ATP9A: variants seen among roughly 807,000 people sequenced by gnomAD.
ATP9A encodes ATPase phospholipid transporting 9A, also known as probable phospholipid-transporting ATPase IIA.
Under a neutral mutation model 144.1 loss-of-function variants are expected in ATP9A, and 52 were observed. The ratio of observed to expected loss-of-function variants is 0.36; its 90% CI spans 0.29 to 0.45. The LOEUF is 0.45. Among genes scored for constraint, ATP9A ranks in the 20% least tolerant of loss-of-function variants. The probability of loss-of-function intolerance (pLI) is 1.00; values close to 1 mark genes in which losing one functional copy is unlikely to be tolerated. For missense variants in ATP9A, 947 were observed against 1,392.7 expected, an observed-to-expected ratio of 0.68 and a Z score of 5.09; for synonymous variants, 582 against 557.4, an observed-to-expected ratio of 1.04 and a Z score of -0.62.
chr20:51,690,011 C>T (rs1013565036), intron 8 of ATP9A, among the ~76,000 whole-genome samples: 7 of 143,916 alleles, frequency 4.9e-5, no homozygotes, highest in Non-Finnish European at 1.0e-4. Flanking sequence ...ACTCAGGAAG[C>T]TAAGACAGGA....
rs147110013 is a variant in ATP9A, at chr20:51,689,071, G to A, written c.792C>T (p.Val264=). 4.3e-5 allele frequency: 69 copies of A among 1,613,784 alleles called. No individual in the cohort carries two copies. The highest frequency in any genetic ancestry group is 1.6e-4 in the Middle Eastern group (1 of 6,082). Residue 264 remains valine, a synonymous_variant, in exon 9 of 28, where the codon GTC becomes GTT. Transcript: ENST00000338821. ...IENTLWAGTV[V]ASGTVVGVVL... is the part of the protein sequence containing the mutation. ...CTCAAAACGGCGCCTCACCTGATGC[G>A]ACCACAGTGCCAGCCCACAGCGTGT...
At chr20:51,729,163 T>TG (rs1568838957) in intron 2 of ATP9A, among the ~76,000 whole-genome samples, 1 of 152,190 alleles carries the variant, frequency 6.6e-6, no homozygotes, top group African/African-American at 2.4e-5. Flanking sequence ...TGTGTCATGA[T>TG]GGGGGGAAAT....
At chr20:51,616,625 A>G (rs2077203983) in intron 22 of ATP9A, among the ~76,000 whole-genome samples, 1 of 151,866 alleles carries the variant, frequency 6.6e-6, no homozygotes, top group Non-Finnish European at 1.5e-5. Context: ...AGCCCTTCAC[A>G]CACAGTCCTA....
At chr20:51,603,771 ATTAT>A (rs11470265) in intron 27 of ATP9A, among the ~76,000 whole-genome samples, 114,161 of 149,676 alleles carry the variant, frequency 0.76, 43,781 homozygotes, top group African/African-American at 0.84. Flanking sequence ...AACATTTTTT[ATTAT>A]TTATTTATTT....
rs780932767 is a variant in ATP9A at position 51,715,101 on chromosome 20, A to C, written c.328-2027T>G. 8.5e-5 allele frequency among the ~76,000 whole-genome samples: 13 copies of C among 152,288 alleles called. No individual in the cohort carries two copies. In the South Asian group the frequency reaches 1.2e-3, roughly 15 times the overall value. On this transcript the variant is annotated intron_variant, in intron 3 of 27. Coordinates refer to ENST00000338821, the MANE Select transcript of ATP9A (RefSeq NM_006045.3). ...TTAAATACAGTCAGCATAACCACCC[A>C]AGGGTTAGCAGTTGTGGTTCTTGGA...
At chr20:51,627,795 C>T (rs2077255542) in intron 16 of ATP9A, 112 bp from the exon 17 acceptor site, 7 of 872,060 alleles carry the variant, frequency 8.0e-6, no homozygotes, top group Non-Finnish European at 9.2e-6. Context: ...GAGAAAATGG[C>T]AAATCAGAAA....
At chr20:51,624,293 C>T (rs2077238819) in intron 18 of ATP9A, among the ~76,000 whole-genome samples, 1 of 152,142 alleles carries the variant, frequency 6.6e-6, no homozygotes, top group South Asian at 2.1e-4. Flanking sequence ...AAGGACAGGC[C>T]CCAGGATGCA....
chr20:51,638,071 T>TTTTATATATA (rs2077300953), intron 15 of ATP9A, among the ~76,000 whole-genome samples: 1 of 34,162 alleles, frequency 2.9e-5, no homozygotes, highest in African/African-American at 8.6e-5. Context: ...TTTCATCATT[T>TTTTATATATA]TATATATATA....
chr20:51,753,484 C>CAAAA (rs372892373), intron 1 of ATP9A, among the ~76,000 whole-genome samples: 6 of 149,538 alleles, frequency 4.0e-5, no homozygotes, highest in South Asian at 2.1e-4. Flanking sequence ...ACAACAACAA[C>CAAAA]AACAAACCCA....
chr20:51,721,817 A>AAAG (rs2077690818), intron 3 of ATP9A, among the ~76,000 whole-genome samples: 1 of 144,136 alleles, frequency 6.9e-6, no homozygotes, highest in Non-Finnish European at 1.5e-5. Flanking sequence ...AAAAAAAAAG[A>AAAG]AAAAGAAAAA....
Position 51,757,069 on chromosome 20 carries a change from G to A in ATP9A, c.68+11233C>T, listed in dbSNP as rs566083230. On this transcript the variant is annotated intron_variant, in intron 1 of 27. Transcript: ENST00000338821. The stretch of plus-strand genomic sequence containing the variant: ...GACATTCTTGATTGTCACAAGGTGG[G>A]GAGGGGATGGCACTGGCATCTAGTG... Among the ~76,000 whole-genome samples the A allele has an allele frequency of 1.1e-4, 16 of 152,268 alleles. No homozygotes were observed. The Middle Eastern group carries it at 0.014, about 129-fold the overall frequency.
At chr20:51,656,198 A>G (rs542559402) in intron 14 of ATP9A, among the ~76,000 whole-genome samples, 1 of 145,758 alleles carries the variant, frequency 6.9e-6, no homozygotes, top group Non-Finnish European at 1.5e-5. Flanking sequence ...AAATATCCTA[A>G]TTTGATTGTG....
chr20:51,720,745 A>C (rs1269186393), intron 3 of ATP9A, among the ~76,000 whole-genome samples: 2 of 152,146 alleles, frequency 1.3e-5, no homozygotes, highest in African/African-American at 4.8e-5. Flanking sequence ...GAGGCATGAG[A>C]ATCGTTTGAA....
chr20:51,634,368 T>C lies in ATP9A; in HGVS notation c.1668+4975A>G, dbSNP rs976379021. ...CCACCCACAGGATCTATGCTGCTGC[T>C]TCCAGACCACAGATGTTCTTGACAT... On this transcript the variant is annotated intron_variant, in intron 15 of 27. Coordinates refer to ENST00000338821, the MANE Select transcript of ATP9A (RefSeq NM_006045.3). Among the ~76,000 whole-genome samples the C allele has an allele frequency of 1.2e-4, 19 of 152,292 alleles. No individual in the cohort carries two copies. In the East Asian group the frequency reaches 3.7e-3, roughly 29 times the overall value.
chr20:51,732,048 C>T (rs150617280), intron 1 of ATP9A, among the ~76,000 whole-genome samples: 2 of 152,204 alleles, frequency 1.3e-5, no homozygotes, highest in East Asian at 3.9e-4. Context: ...GCGCCCCCAA[C>T]GTGGTTTTCC....
chr20:51,717,414 T>C (rs923984254), intron 3 of ATP9A, among the ~76,000 whole-genome samples: 1 of 152,162 alleles, frequency 6.6e-6, no homozygotes, highest in Admixed American at 6.5e-5. Context: ...AACCCTTTTT[T>C]CTGTAGCTGT....
At chr20:51,732,166 G>T (rs769627607) in intron 1 of ATP9A, among the ~76,000 whole-genome samples, 4 of 152,148 alleles carry the variant, frequency 2.6e-5, no homozygotes, top group Non-Finnish European at 5.9e-5. Context: ...AAAACGAGGT[G>T]CTCTGAGGAC....
intron 1 of ATP9A, among the ~76,000 whole-genome samples, chr20:51,762,689 A>G (rs1050456230): frequency 2.7e-5 from 4 of 145,600 alleles, no homozygotes; most frequent in South Asian, 2.2e-4. Flanking sequence ...ATTTAAGGTG[A>G]TATATCCACA....
intron 2 of ATP9A, among the ~76,000 whole-genome samples, chr20:51,727,194 G>T (rs1396534026): frequency 6.6e-6 from 1 of 151,360 alleles, no homozygotes; most frequent in Admixed American, 6.6e-5. Context: ...AGAATCGCTT[G>T]AACACAAGAG....
Sources: allele counts gnomAD v4.1 joint callset (sites outside exome capture counted in the v4.1 genomes callset), GRCh38; gene constraint gnomAD v4.1.1; transcripts MANE v1.5; gene names NCBI Gene and HGNC (gene_info 2026-07-23, HGNC 2026-07-21).